PRELID2: variants seen among roughly 807,000 people sequenced by gnomAD.
PRELID2 encodes the protein PRELI domain-containing protein 2.
In PRELID2, 25 loss-of-function variants were observed where a neutral mutation model predicts 28.4. That is an observed-to-expected ratio of 0.88 (90% CI 0.64 to 1.23). The LOEUF is 1.23. Among genes scored for constraint, PRELID2 ranks in the 50% most tolerant of loss-of-function variants. The pLI, the probability that PRELID2 is intolerant of heterozygous loss-of-function variation, is 0.00. For missense variants in PRELID2, 201 were observed against 214.4 expected (o/e 0.94, Z 0.39); for synonymous variants, 76 against 71.6 (o/e 1.06, Z -0.31).
chr5:145,620,520 T>C (rs902091510), intron 1 of PRELID2, among the ~76,000 whole-genome samples: 1 of 152,212 alleles, frequency 6.6e-6, no homozygotes, highest in Non-Finnish European at 1.5e-5. Flanking sequence ...GGGAAATCTT[T>C]GTACCCTCCT....
At chr5:145,785,980 GC>G (rs1751968304) in intron 5 of PRELID2, among the ~76,000 whole-genome samples, 1 of 152,126 alleles carries the variant, frequency 6.6e-6, no homozygotes, top group African/African-American at 2.4e-5. Flanking sequence ...GCAATTCATG[GC>G]CTGAGCACCC....
intron 1 of PRELID2, among the ~76,000 whole-genome samples, chr5:145,559,837 A>T (rs541719565): frequency 1.7e-3 from 7 of 4,156 alleles, no homozygotes; most frequent in Admixed American, 0.01. Context: ...AAAAAGAGGT[A>T]AAAAAAAAAA....
At chr5:145,489,430 G>A (rs1465367273) in intron 1 of PRELID2, among the ~76,000 whole-genome samples, 1 of 152,100 alleles carries the variant, frequency 6.6e-6, no homozygotes, top group African/African-American at 2.4e-5. Flanking sequence ...ATGATCTTAT[G>A]TAAGATTCCT....
the PRELID2 span, among the ~76,000 whole-genome samples, chr5:145,455,933 G>A: frequency 7.9e-5 from 12 of 152,192 alleles, no homozygotes; most frequent in East Asian, 1.4e-3. Context: ...GAAATTACTC[G>A]CCTTCTGTGT....
intron 1 of PRELID2, among the ~76,000 whole-genome samples, chr5:145,703,753 G>A (rs1755471345): frequency 6.6e-6 from 1 of 152,142 alleles, no homozygotes; most frequent in South Asian, 2.1e-4. Context: ...GACAGGAATG[G>A]GTACTGGAGC....
intron 1 of PRELID2, among the ~76,000 whole-genome samples, chr5:145,549,980 A>G (rs1752821062): frequency 1.3e-5 from 2 of 152,096 alleles, no homozygotes; most frequent in Admixed American, 6.5e-5. Context: ...GTCCTGCCAC[A>G]AGGGAGGCAT....
intron 1 of PRELID2, among the ~76,000 whole-genome samples, chr5:145,603,663 G>T (rs1345355906): frequency 2.0e-5 from 3 of 152,038 alleles, no homozygotes; most frequent in African/African-American, 7.2e-5. Context: ...GCTTAAATAA[G>T]TATTGACTTT....
chr5:145,678,737 C>G (rs1360229216), intron 1 of PRELID2, among the ~76,000 whole-genome samples: 1 of 152,102 alleles, frequency 6.6e-6, no homozygotes, highest in Non-Finnish European at 1.5e-5. Context: ...AAACCTTACA[C>G]CGAGCCTTAA....
At chr5:145,527,837 C>T (rs1186000058) in intron 1 of PRELID2, among the ~76,000 whole-genome samples, 4 of 152,078 alleles carry the variant, frequency 2.6e-5, no homozygotes, top group Non-Finnish European at 5.9e-5. Flanking sequence ...TATGGTAACA[C>T]TTAGAAGAGT....
At chr5:145,300,453 A>G in the PRELID2 span, among the ~76,000 whole-genome samples, 2,783 of 152,206 alleles carry the variant, frequency 0.018, 92 homozygotes, top group African/African-American at 0.063. Flanking sequence ...TCATTAATTT[A>G]TACTGATAAC....
chr5:145,542,779 TTCTTTCTG>T (rs199739445), intron 1 of PRELID2, among the ~76,000 whole-genome samples: 15,318 of 142,010 alleles, frequency 0.11, 776 homozygotes, highest in African/African-American at 0.11. Context: ...CTTTCTTTCT[TTCTTTCTG>T]TCTTTTTCTC....
intron 1 of PRELID2, among the ~76,000 whole-genome samples, chr5:145,701,290 C>T (rs1014437536): frequency 2.6e-5 from 4 of 152,022 alleles, no homozygotes; most frequent in Admixed American, 2.6e-4. Flanking sequence ...CTCATTTGAC[C>T]CAAAGTATAC....
At chr5:145,781,127 G>A (rs1464484678) in intron 5 of PRELID2, among the ~76,000 whole-genome samples, 1 of 152,148 alleles carries the variant, frequency 6.6e-6, no homozygotes, top group African/African-American at 2.4e-5. Context: ...ACAACCAAAG[G>A]GGTCTTTCAG....
At chr5:145,276,521 G>C in the PRELID2 span, among the ~76,000 whole-genome samples, 1 of 152,090 alleles carries the variant, frequency 6.6e-6, no homozygotes, top group African/African-American at 2.4e-5. Context: ...AATTCACTAT[G>C]TAAAATGCTA....
chr5:145,285,347 C>T, the PRELID2 span, among the ~76,000 whole-genome samples: 1 of 152,104 alleles, frequency 6.6e-6, no homozygotes, highest in South Asian at 2.1e-4. Context: ...AAAGATAGCA[C>T]TAAGAATAGA....
chr5:145,345,118 C>A, the PRELID2 span, among the ~76,000 whole-genome samples: 2 of 152,074 alleles, frequency 1.3e-5, no homozygotes, highest in Non-Finnish European at 2.9e-5. Flanking sequence ...TACTCCAGCA[C>A]TTTTCTGTTT....
the PRELID2 span, among the ~76,000 whole-genome samples, chr5:145,391,694 T>G: frequency 4.6e-5 from 7 of 152,092 alleles, no homozygotes; most frequent in African/African-American, 1.7e-4. Flanking sequence ...GTTTTTTTTT[T>G]TTTTCTATTG....
chr5:145,639,799 A>G (rs190886860), intron 1 of PRELID2, among the ~76,000 whole-genome samples: 131 of 152,364 alleles, frequency 8.6e-4, no homozygotes, highest in African/African-American at 3.1e-3. Context: ...AAAGAAAAAA[A>G]GATTTAATAA....
the PRELID2 span, among the ~76,000 whole-genome samples, chr5:145,244,144 G>A: frequency 4.6e-5 from 7 of 151,962 alleles, no homozygotes; most frequent in South Asian, 2.1e-4. Context: ...CAGTAGAGAC[G>A]GGGTTTCAGT....
Sources: gnomAD v4.1 joint callset for allele counts (sites outside exome capture counted in the v4.1 genomes callset) on GRCh38, gnomAD v4.1.1 for gene constraint, MANE v1.5 for transcripts, NCBI Gene and HGNC (gene_info 2026-07-23, HGNC 2026-07-21) for gene names.